MTRR: variants seen among roughly 807,000 people sequenced by gnomAD.
MTRR encodes the protein 5-methyltetrahydrofolate-homocysteine methyltransferase reductase, also known as methionine synthase reductase.
Under a neutral mutation model 79.2 loss-of-function variants are expected in MTRR, and 63 were observed. That is an observed-to-expected ratio of 0.80 (90% confidence interval 0.65 to 0.98). The LOEUF (loss-of-function observed/expected upper bound fraction) is 0.98. Ranked by LOEUF, MTRR falls within the 50% of genes least tolerant of loss-of-function variation. MTRR has a pLI of 0.00. For missense variants in MTRR, 895 were observed against 839.6 expected (o/e 1.07, Z -0.82); for synonymous variants, 355 against 313.3 (o/e 1.13, Z -1.41).
At chr5:7,866,134 T>G, upstream of MTRR, 1 of 600,572 alleles carries the variant, frequency 1.7e-6, no homozygotes, top group Non-Finnish European at 2.9e-6. Flanking sequence ...GAATTAATTA[T>G]GCCCTCCTCT....
intron 9 of MTRR, chr5:7,890,292 C>G (rs326981): frequency 0.9 from 886,511 of 985,046 alleles, 399,479 homozygotes; most frequent in African/African-American, 0.98. Flanking sequence ...CCCCAAAATG[C>G]TAAGACCGTG....
intron 8 of MTRR, 144 bp downstream of exon 8, chr5:7,886,847 G>A (rs1382175654): frequency 4.3e-6 from 3 of 694,102 alleles, no homozygotes; most frequent in Non-Finnish European, 7.6e-6. Context: ...GTTCCCAAGG[G>A]TGTGTGCTAT....
At chr5:7,850,995 G>A, upstream of MTRR, 4 of 1,286,908 alleles carry the variant, frequency 3.1e-6, no homozygotes, top group Non-Finnish European at 3.9e-6. Flanking sequence ...GCGTGGACGC[G>A]GTGGTCTCCT....
chr5:7,895,456 A>T (rs1003006760), intron 11 of MTRR, among the ~76,000 whole-genome samples: 1 of 152,250 alleles, frequency 6.6e-6, no homozygotes, highest in Non-Finnish European at 1.5e-5. Context: ...ACCAAGAAAC[A>T]TGATTTGATT....
At chr5:7,874,194 C>T (rs1484918254) in intron 3 of MTRR, among the ~76,000 whole-genome samples, 3 of 152,116 alleles carry the variant, frequency 2.0e-5, no homozygotes, top group Non-Finnish European at 4.4e-5. Flanking sequence ...AATATGATAC[C>T]AGAGGGGAAT....
At chr5:7,858,529 C>G (rs926545388) in intron 1 of MTRR, among the ~76,000 whole-genome samples, 1 of 152,110 alleles carries the variant, frequency 6.6e-6, no homozygotes, top group Non-Finnish European at 1.5e-5. Flanking sequence ...TTTCCATTTC[C>G]TGTTCTAAAG....
chr5:7,885,954 C>G (rs1056463986), intron 7 of MTRR, 100 bp downstream of exon 7: 1 of 1,486,732 alleles, frequency 6.7e-7, no homozygotes, highest in Non-Finnish European at 9.4e-7. Flanking sequence ...GTGTGTTGGC[C>G]GCACAGATGC....
chr5:7,875,825 G>A (rs1561171392), intron 4 of MTRR, among the ~76,000 whole-genome samples: 1 of 152,242 alleles, frequency 6.6e-6, no homozygotes, highest in Non-Finnish European at 1.5e-5. Flanking sequence ...GCATTGCTTG[G>A]CGTGCTCTTA....
intron 1 of MTRR, chr5:7,861,636 T>C: frequency 6.2e-7 from 1 of 1,608,836 alleles, no homozygotes; most frequent in Non-Finnish European, 8.5e-7. Flanking sequence ...CTTCTTCATC[T>C]AATTTAATTT....
intron 6 of MTRR, among the ~76,000 whole-genome samples, chr5:7,884,671 C>T (rs1736125441): frequency 6.6e-6 from 1 of 152,114 alleles, no homozygotes; most frequent in Non-Finnish European, 1.5e-5. Context: ...GGCCCCCTTC[C>T]TACCCTCCAC....
At position 7,889,157 on chromosome 5, in the gene MTRR, G is replaced by C; in HGVS notation, c.1209G>C (p.Glu403Asp). 6 of 1,614,142 alleles carry C rather than the reference G, an allele frequency of 3.7e-6. No homozygotes were observed. Among genetic ancestry groups the C allele is most frequent in the Non-Finnish European group, 5.1e-6 (6 of 1,180,032 alleles). Residue 403 changes from glutamate (E) to aspartate (D), a missense_variant, in exon 9 of 15, where the codon GAG (glutamate) becomes GAC (aspartate). Coordinates refer to ENST00000440940, the MANE Select transcript of MTRR (RefSeq NM_002454.3). The stretch of plus-strand genomic sequence containing the variant: ...GTGCTGAAAAGCGCAGGCTACAGGA[G>C]CTGTGCAGTAAACAAGGGGCAGCCG... ...SDSAEKRRLQ[E>D]LCSKQGAADY... is the part of the protein sequence containing the mutation.
At chr5:7,889,886 AT>A (rs1303033485) in intron 9 of MTRR, among the ~76,000 whole-genome samples, 3 of 151,944 alleles carry the variant, frequency 2.0e-5, no homozygotes, top group Non-Finnish European at 2.9e-5. Context: ...AGAGTAACCC[AT>A]TTTTTTGCCC....
rs759761542 is a variant in MTRR at position 7,897,255 on chromosome 5, A to G, written c.1952+8A>G. The G allele has an allele frequency of 6.2e-7, 1 of 1,612,780 alleles. No homozygotes were observed. Reference sequence around the variant, plus strand: ...CCATATTTATGTGTGTGGGTGAGTCATTATCGTGCCTAAGTCGGGTAGGAG... The same window carrying G: ...CCATATTTATGTGTGTGGGTGAGTCGTTATCGTGCCTAAGTCGGGTAGGAG... On this transcript the variant is annotated splice_region_variant and intron_variant, in intron 14 of 14. Coordinates refer to ENST00000440940, the MANE Select transcript of MTRR (RefSeq NM_002454.3).
intron 8 of MTRR, among the ~76,000 whole-genome samples, chr5:7,887,792 G>GCATATATA (rs1554004563): frequency 0.076 from 1,975 of 25,934 alleles, 155 homozygotes; most frequent in African/African-American, 0.19. Context: ...GTGTGTGTGT[G>GCATATATA]CATATATATA....
intron 14 of MTRR, 70 bp downstream of exon 14, chr5:7,897,317 C>T: frequency 6.7e-7 from 1 of 1,482,292 alleles, no homozygotes. Flanking sequence ...AAAAAAAGGA[C>T]CGAGAAGCCA....
intron 10 of MTRR, among the ~76,000 whole-genome samples, chr5:7,892,366 G>C (rs1005854432): frequency 6.6e-6 from 1 of 152,190 alleles, no homozygotes; most frequent in African/African-American, 2.4e-5. Flanking sequence ...CTTACCAGTA[G>C]ATAATGTATG....
At chr5:7,899,779 T>TCAGTGTGAG in intron 14 of MTRR, 135 bp from the exon 15 acceptor site, 1 of 1,188,802 alleles carries the variant, frequency 8.4e-7, no homozygotes, top group Non-Finnish European at 1.3e-6. Flanking sequence ...GGCTGGGAGA[T>TCAGTGTGAG]CTGTGTGAGA....
chr5:7,853,355 AC>A (rs1478855897), intron 1 of MTRR, among the ~76,000 whole-genome samples: 1 of 152,040 alleles, frequency 6.6e-6, no homozygotes, highest in Admixed American at 6.6e-5. Context: ...TCCTGAGGCC[AC>A]CCCAGCCATA....
chr5:7,873,429 C>T lies in MTRR; in HGVS notation c.186C>T (p.Thr62=), dbSNP rs940332374. 13 of 1,614,124 alleles carry T rather than the reference C, an allele frequency of 8.1e-6. No homozygotes were observed. The highest frequency in any genetic ancestry group is 2.2e-5 in the East Asian group (1 of 44,882). ...TTGTTGTGGTTTCTACCACGGGCAC[C>T]GGAGACCCACCCGACACAGCCCGCA... ...PLVVVVSTTG[T]GDPPDTARKF... The change falls in exon 3 of 15, where the codon ACC becomes ACT. Residue 62 remains threonine, a synonymous_variant. Coordinates refer to ENST00000440940, the MANE Select transcript of MTRR (RefSeq NM_002454.3).
Sources: allele counts gnomAD v4.1 joint callset (sites outside exome capture counted in the v4.1 genomes callset), GRCh38; gene constraint gnomAD v4.1.1; transcripts MANE v1.5; gene names NCBI Gene and HGNC (gene_info 2026-07-23, HGNC 2026-07-21).